The following IL10RB variants were observed in gnomAD, a reference collection of about 807,000 sequenced individuals.
IL10RB encodes the protein interleukin-10 receptor subunit beta.
Under a neutral mutation model 38.7 loss-of-function variants are expected in IL10RB, and 30 were observed. The observed-to-expected ratio is 0.78, with a 90% confidence interval of 0.58 to 1.05. The LOEUF (loss-of-function observed/expected upper bound fraction) is 1.05, where lower values mean the gene tolerates loss of function less well. Ranked by LOEUF, IL10RB falls within the 50% of genes least tolerant of loss-of-function variation. The pLI is 0.00. For synonymous variants in IL10RB, 142 were observed against 145.9 expected, an observed-to-expected ratio of 0.97 and a Z score of 0.19; for missense variants, 328 against 397.1, an observed-to-expected ratio of 0.83 and a Z score of 1.48.
intron 5 of IL10RB, among the ~76,000 whole-genome samples, chr21:33,286,708 C>T (rs879773614): frequency 7.2e-5 from 11 of 152,088 alleles, no homozygotes; most frequent in Admixed American, 7.2e-4. Flanking sequence ...TAAAAATTAG[C>T]TGGGCATGGT....
rs946926107 is a variant in IL10RB, at chr21:33,292,408, C to T, written c.805-3776C>T. 2.6e-5 allele frequency among the ~76,000 whole-genome samples: 4 copies of T among 152,308 alleles called. No homozygotes were observed. The East Asian group carries it at 7.7e-4, about 29-fold the overall frequency. ...GGCCTTTCCTCCTACTTCTGCTAGG[C>T]ATAATTACCCATCCCCCTTTATGGT... On this transcript the variant is annotated intron_variant, in intron 6 of 6. Transcript: ENST00000290200.
At chr21:33,286,874 G>A (rs1989383845) in intron 5 of IL10RB, among the ~76,000 whole-genome samples, 1 of 152,006 alleles carries the variant, frequency 6.6e-6, no homozygotes, top group African/African-American at 2.4e-5. Flanking sequence ...TAAATAAAAG[G>A]AGAATGAGGG....
At chr21:33,268,350 T>C in intron 1 of IL10RB, 44 bp from the exon 2 acceptor site, 2 of 1,613,478 alleles carry the variant, frequency 1.2e-6, no homozygotes, top group Non-Finnish European at 1.7e-6. Flanking sequence ...TGGGCATCTG[T>C]TTTGAGGAGA....
chr21:33,267,505 T>TG (rs1204251792), intron 1 of IL10RB, among the ~76,000 whole-genome samples: 5 of 82,180 alleles, frequency 6.1e-5, no homozygotes, highest in South Asian at 4.6e-4. Flanking sequence ...TTTGTTTGTT[T>TG]TTTTGTTTTT....
intron 3 of IL10RB, among the ~76,000 whole-genome samples, chr21:33,279,168 G>A (rs1418430868): frequency 1.3e-5 from 2 of 152,190 alleles, no homozygotes; most frequent in African/African-American, 4.8e-5. Flanking sequence ...TACATAGAAT[G>A]GTAAGATACA....
chr21:33,306,273 A>G (rs1300665417), intron 1 of IL10RB, among the ~76,000 whole-genome samples: 1 of 152,234 alleles, frequency 6.6e-6, no homozygotes, highest in Non-Finnish European at 1.5e-5. Context: ...AGACTGTGAC[A>G]AAGCAAATTT....
downstream of IL10RB, among the ~76,000 whole-genome samples, chr21:33,300,746 G>A (rs1469411916): frequency 6.6e-6 from 1 of 152,184 alleles, no homozygotes; most frequent in African/African-American, 2.4e-5. Context: ...AGGACACAGA[G>A]AAGGTGCCAC....
chr21:33,302,297 G>A (rs901064915), intron 1 of IL10RB, among the ~76,000 whole-genome samples: 4 of 152,244 alleles, frequency 2.6e-5, no homozygotes, highest in East Asian at 3.8e-4. Context: ...CATAAGTCAC[G>A]CCCCTTCTGC....
intron 1 of IL10RB, among the ~76,000 whole-genome samples, chr21:33,305,460 C>T (rs1265968918): frequency 6.6e-6 from 1 of 152,120 alleles, no homozygotes; most frequent in Non-Finnish European, 1.5e-5. Flanking sequence ...AAAGGTCACT[C>T]TCACTTCCTA....
downstream of IL10RB, among the ~76,000 whole-genome samples, chr21:33,299,446 G>A (rs8129112): frequency 0.22 from 33,962 of 152,008 alleles, 3,929 homozygotes; most frequent in East Asian, 0.38. Context: ...TTCCCTGAGG[G>A]GAAGACAGTG....
intron 2 of IL10RB, among the ~76,000 whole-genome samples, chr21:33,269,940 G>A (rs1010483073): frequency 5.9e-5 from 9 of 152,150 alleles, no homozygotes; most frequent in Admixed American, 6.5e-5. Context: ...TTACAGGCGT[G>A]AGCCACCACG....
At chr21:33,295,963 G>A (rs557813951) in intron 6 of IL10RB, among the ~76,000 whole-genome samples, 25 of 152,118 alleles carry the variant, frequency 1.6e-4, no homozygotes, top group African/African-American at 5.1e-4. Context: ...AGAATTGCTT[G>A]AACCTGAGAG....
At chr21:33,266,916 G>A (rs1429634264) in intron 1 of IL10RB, among the ~76,000 whole-genome samples, 1 of 151,906 alleles carries the variant, frequency 6.6e-6, no homozygotes, top group Non-Finnish European at 1.5e-5. Flanking sequence ...ACCAGTCCCC[G>A]AGTGCCCTGA....
At chr21:33,280,016 C>T in intron 4 of IL10RB, 98 bp downstream of exon 4, 1 of 1,048,008 alleles carries the variant, frequency 9.5e-7, no homozygotes, top group Non-Finnish European at 1.5e-6. Flanking sequence ...CCTCTGTAAG[C>T]CAAGAGCTTC....
In IL10RB at chr21:33,283,149, C is replaced by A; in HGVS notation, c.554C>A (p.Thr185Lys). 6.2e-7 allele frequency: 1 copy of A among 1,613,728 alleles called. No homozygotes were observed. Among genetic ancestry groups the A allele is most frequent in the Non-Finnish European group, 8.5e-7 (1 of 1,179,644 alleles). Residue 185 changes from threonine (T) to lysine (K), a missense_variant, in exon 5 of 7, where the codon ACA (threonine) becomes AAA (lysine). By Grantham distance (78) the Thr-to-Lys change is moderately conservative. Coordinates refer to ENST00000290200, the MANE Select transcript of IL10RB (RefSeq NM_000628.5). ...FEVLRNLEPWTTYCVQVRGFL... is the reference protein window; with the variant it reads ...FEVLRNLEPWKTYCVQVRGFL... ...GTCCTCAGAAACCTGGAGCCATGGA[C>A]AACTTATTGTGTTCAAGTTCGAGGG... is the stretch of plus-strand genomic sequence containing the variant.
At position 33,285,709 on chromosome 21, in the gene IL10RB, C is replaced by G. The variant is rs924242763; in HGVS notation, c.647-2395C>G. Among the ~76,000 whole-genome samples, 25 of 152,294 alleles carry G rather than the reference C, an allele frequency of 1.6e-4. No individual in the cohort carries two copies. The South Asian group carries it at 4.8e-3, about 29-fold the overall frequency. On this transcript the variant is annotated intron_variant, in intron 5 of 6. Transcript: ENST00000290200. ...ATAACAGGGCGGGGCCCATGGATCC[C>G]TGTTTGAATGAGTCTCCGGGCGCCA... is the stretch of plus-strand genomic sequence containing the variant.
chr21:33,272,936 G>C (rs1989107549), intron 2 of IL10RB, among the ~76,000 whole-genome samples: 1 of 152,162 alleles, frequency 6.6e-6, no homozygotes, highest in Admixed American at 6.5e-5. Context: ...TTGCTGTCGG[G>C]GCTGGTGTTC....
chr21:33,276,218 A>C (rs962861), intron 2 of IL10RB, among the ~76,000 whole-genome samples: 55,845 of 151,842 alleles, frequency 0.37, 10,882 homozygotes, highest in Non-Finnish European at 0.45. Flanking sequence ...TAGGGCATCA[A>C]CGTTGTATAT....
chr21:33,283,501 C>A (rs1261188066), intron 5 of IL10RB, among the ~76,000 whole-genome samples: 2 of 152,274 alleles, frequency 1.3e-5, no homozygotes, highest in East Asian at 1.9e-4. Flanking sequence ...CATGAGCCCC[C>A]CTTGGCAGTA....
Sources: gnomAD v4.1 joint callset for allele counts (sites outside exome capture counted in the v4.1 genomes callset) on GRCh38, gnomAD v4.1.1 for gene constraint, MANE v1.5 for transcripts, NCBI Gene and HGNC (gene_info 2026-07-23, HGNC 2026-07-21) for gene names.